The following NKAIN2 variants were observed in gnomAD, a reference collection of about 807,000 sequenced individuals.
NKAIN2 encodes the protein sodium/potassium-transporting ATPase subunit beta-1-interacting protein 2.
A neutral mutation model predicts 32.6 loss-of-function variants in NKAIN2; 14 were observed. The ratio of observed to expected loss-of-function variants is 0.43; its 90% CI spans 0.28 to 0.67. The LOEUF (loss-of-function observed/expected upper bound fraction) is 0.67. NKAIN2 is among the 30% of genes least tolerant of loss of function. The pLI is 0.17. For synonymous variants in NKAIN2, 80 were observed against 87.2 expected, an observed-to-expected ratio of 0.92 and a Z score of 0.46; for missense variants, 198 against 258.3, an observed-to-expected ratio of 0.77 and a Z score of 1.60.
intron 1 of NKAIN2, among the ~76,000 whole-genome samples, chr6:124,113,679 C>A (rs1785485876): frequency 6.6e-6 from 1 of 152,156 alleles, no homozygotes; most frequent in South Asian, 2.1e-4. Flanking sequence ...GATCCAAGCC[C>A]TTACCTCCCC....
chr6:124,313,724 G>T (rs775768506), intron 2 of NKAIN2, among the ~76,000 whole-genome samples: 2 of 152,008 alleles, frequency 1.3e-5, no homozygotes, highest in African/African-American at 2.4e-5. Flanking sequence ...ACTCTGGGTG[G>T]CCGGTTTCCC....
intron 1 of NKAIN2, among the ~76,000 whole-genome samples, chr6:124,038,418 T>A (rs1781705697): frequency 6.6e-6 from 1 of 152,154 alleles, no homozygotes; most frequent in Admixed American, 6.6e-5. Flanking sequence ...TTTCACCATG[T>A]TGGTCAGGCT....
At chr6:124,738,436 CA>C (rs1403057061) in intron 4 of NKAIN2, among the ~76,000 whole-genome samples, 1 of 151,800 alleles carries the variant, frequency 6.6e-6, no homozygotes, top group African/African-American at 2.4e-5. Context: ...CTTTATTCCA[CA>C]AAGCAAAATT....
At chr6:124,237,491 A>C (rs1792839282) in intron 1 of NKAIN2, among the ~76,000 whole-genome samples, 1 of 152,120 alleles carries the variant, frequency 6.6e-6, no homozygotes, top group African/African-American at 2.4e-5. Context: ...TTGTTATACA[A>C]AGGAATGATA....
At chr6:124,028,786 C>CGTATACGTGTATATACGTAT (rs1562317112) in intron 1 of NKAIN2, among the ~76,000 whole-genome samples, 7 of 140,590 alleles carry the variant, frequency 5.0e-5, no homozygotes, top group African/African-American at 2.0e-4. Flanking sequence ...CATATATACG[C>CGTATACGTGTATATACGTAT]ATATACGTGT....
intron 1 of NKAIN2, among the ~76,000 whole-genome samples, chr6:124,074,223 T>G (rs1312008124): frequency 1.3e-5 from 2 of 152,150 alleles, no homozygotes; most frequent in Non-Finnish European, 2.9e-5. Flanking sequence ...GTTCAGGGTT[T>G]TTTAAATTTA....
intron 1 of NKAIN2, among the ~76,000 whole-genome samples, chr6:123,914,318 AG>A (rs1775380956): frequency 1.3e-5 from 2 of 152,078 alleles, no homozygotes; most frequent in South Asian, 4.2e-4. Context: ...AGAAAGAGGG[AG>A]AAAAGATGAG....
At chr6:124,687,584 A>ATACATACATGGT (rs1562324953) in intron 4 of NKAIN2, among the ~76,000 whole-genome samples, 2 of 89,888 alleles carry the variant, frequency 2.2e-5, no homozygotes, top group Non-Finnish European at 2.1e-5. Flanking sequence ...ATATATTTAT[A>ATACATACATGGT]ATATAAATAT....
chr6:124,436,053 G>A (rs1775429490), intron 3 of NKAIN2, among the ~76,000 whole-genome samples: 1 of 152,108 alleles, frequency 6.6e-6, no homozygotes, highest in Non-Finnish European at 1.5e-5. Context: ...TTAAATGATA[G>A]ACAGTAAACC....
At chr6:123,901,693 C>A (rs1428953901) in intron 1 of NKAIN2, among the ~76,000 whole-genome samples, 2 of 152,096 alleles carry the variant, frequency 1.3e-5, no homozygotes, top group Non-Finnish European at 2.9e-5. Flanking sequence ...AAACATCACT[C>A]AGTTCTCTTG....
At chr6:123,974,962 C>T (rs1292071881) in intron 1 of NKAIN2, among the ~76,000 whole-genome samples, 1 of 152,148 alleles carries the variant, frequency 6.6e-6, no homozygotes, top group Non-Finnish European at 1.5e-5. Context: ...ACCTCTGCAG[C>T]TATCCATCAT....
At chr6:124,137,826 A>G (rs1165678035) in intron 1 of NKAIN2, among the ~76,000 whole-genome samples, 1 of 152,166 alleles carries the variant, frequency 6.6e-6, no homozygotes, top group Non-Finnish European at 1.5e-5. Context: ...AGAAGAATGA[A>G]ACTTGATCTT....
At chr6:124,516,074 C>T (rs547623820) in intron 3 of NKAIN2, among the ~76,000 whole-genome samples, 8 of 152,188 alleles carry the variant, frequency 5.3e-5, no homozygotes, top group East Asian at 3.9e-4. Flanking sequence ...AGGTACATCA[C>T]GGAGCAAAAC....
intron 1 of NKAIN2, among the ~76,000 whole-genome samples, chr6:123,932,477 T>C (rs933372482): frequency 2.7e-5 from 4 of 146,752 alleles, no homozygotes; most frequent in African/African-American, 7.5e-5. Context: ...AGTGCAGTGG[T>C]GCAATCTTGG....
intron 1 of NKAIN2, among the ~76,000 whole-genome samples, chr6:124,105,592 G>A (rs189721798): frequency 1.3e-5 from 2 of 152,258 alleles, no homozygotes; most frequent in African/African-American, 2.4e-5. Flanking sequence ...AGAGACTTTT[G>A]TATTCCAATA....
intron 1 of NKAIN2, among the ~76,000 whole-genome samples, chr6:123,877,804 A>G (rs1773235828): frequency 1.3e-5 from 2 of 152,200 alleles, no homozygotes; most frequent in South Asian, 4.1e-4. Context: ...AAACTCTGAG[A>G]AGTTTTTAGT....
At chr6:124,051,298 T>C (rs1374236653) in intron 1 of NKAIN2, among the ~76,000 whole-genome samples, 1 of 152,034 alleles carries the variant, frequency 6.6e-6, no homozygotes, top group African/African-American at 2.4e-5. Flanking sequence ...AGCATTGTGT[T>C]AAAATGATTA....
rs1218037456 is a variant in NKAIN2, at chr6:124,818,488, G to T, written c.617+20G>T. On this transcript the variant is annotated intron_variant, in intron 6 of 6. Transcript: ENST00000368417. ...GTACATGTAAGTATTTTACTTGGAA[G>T]GTACTCTTCTGGGGTACTAAAGATA... 4.8e-6 allele frequency: 6 copies of T among 1,254,608 alleles called. No homozygotes were observed. Among genetic ancestry groups the T allele is most frequent in the Non-Finnish European group, 7.0e-6 (6 of 861,370 alleles). 77.7% of individuals were successfully genotyped at this position (1,254,608 alleles called of 1,614,324 possible).
chr6:124,652,413 A>G (rs1784398572), intron 3 of NKAIN2, among the ~76,000 whole-genome samples: 1 of 152,180 alleles, frequency 6.6e-6, no homozygotes, highest in African/African-American at 2.4e-5. Flanking sequence ...TTATAGCAAT[A>G]CAAGCTTTTT....
Sources: gnomAD v4.1 joint callset for allele counts (sites outside exome capture counted in the v4.1 genomes callset) on GRCh38, gnomAD v4.1.1 for gene constraint, MANE v1.5 for transcripts, NCBI Gene and HGNC (gene_info 2026-07-23, HGNC 2026-07-21) for gene names.